The following SIAH2 variants were observed in gnomAD, a reference collection of about 807,000 sequenced individuals.
SIAH2 encodes siah E3 ubiquitin protein ligase 2.
A neutral mutation model predicts 20.4 loss-of-function variants in SIAH2; 4 were observed. The observed-to-expected ratio is 0.20, with a 90% confidence interval of 0.10 to 0.45. The LOEUF is 0.45. SIAH2 is among the 20% of genes least tolerant of loss of function. The pLI, the probability that SIAH2 is intolerant of heterozygous loss-of-function variation, is 0.99. For synonymous variants in SIAH2, 171 were observed against 192.5 expected (o/e 0.89, Z 0.93); for missense variants, 259 against 440.3 (o/e 0.59, Z 3.69).
At position 150,748,583 on chromosome 3, in the gene SIAH2, C is replaced by T. The variant is rs117004837; in HGVS notation, c.418-5885G>A. Among the ~76,000 whole-genome samples, 117 of 152,336 alleles carry T rather than the reference C, an allele frequency of 7.7e-4. 2 individuals are homozygous for T. In the East Asian group the frequency reaches 0.019, roughly 25 times the overall value. ...GGCTCTTTAGGGAACTGTGAGGTAA[C>T]CACACTGCCTAGACCGGCTTACGTC... On this transcript the variant is annotated intron_variant, in intron 1 of 1. Coordinates refer to ENST00000312960, the MANE Select transcript of SIAH2 (RefSeq NM_005067.7).
chr3:150,759,195 A>T (rs1158409689), intron 1 of SIAH2, among the ~76,000 whole-genome samples: 2 of 152,126 alleles, frequency 1.3e-5, no homozygotes, highest in African/African-American at 4.8e-5. Flanking sequence ...TGAGCTAATA[A>T]TGCATCCGGT....
At chr3:150,756,726 ATGC>A (rs1714492991) in intron 1 of SIAH2, among the ~76,000 whole-genome samples, 1 of 152,226 alleles carries the variant, frequency 6.6e-6, no homozygotes, top group Non-Finnish European at 1.5e-5. Context: ...TAGTATTCTA[ATGC>A]TTCTGCTTTA....
intron 1 of SIAH2, among the ~76,000 whole-genome samples, chr3:150,759,264 G>A (rs1313069944): frequency 6.6e-6 from 1 of 152,178 alleles, no homozygotes; most frequent in Non-Finnish European, 1.5e-5. Flanking sequence ...CTAAACCTAA[G>A]TGGGATAGTT....
At chr3:150,755,320 C>A (rs1338179181) in intron 1 of SIAH2, among the ~76,000 whole-genome samples, 1 of 136,010 alleles carries the variant, frequency 7.4e-6, no homozygotes, top group East Asian at 2.5e-4. Flanking sequence ...TTCTTTTCTT[C>A]CCTTTTTTTT....
In SIAH2 at chr3:150,762,498, G is replaced by A; in HGVS notation, c.352C>T (p.Leu118=). The change falls in exon 1 of 2, where the codon CTG becomes TTG. Residue 118 remains leucine, a synonymous_variant. Coordinates refer to ENST00000312960, the MANE Select transcript of SIAH2 (RefSeq NM_005067.7). This position sits in a 1 kb window ranked among gnomAD's most constrained non-coding sequence, Gnocchi z 6.6. ...GCCAGGTTCCTGATGCTGGGCGTCA[G>A]GGCGCCCCTGCACGTCGGGCAGCAG... ...LSCCPTCRGA[L]TPSIRNLAME... is the part of the protein sequence containing the mutation. 4 of 1,613,646 alleles carry A rather than the reference G, an allele frequency of 2.5e-6. No individual in the cohort carries two copies. Among genetic ancestry groups the A allele is most frequent in the Non-Finnish European group, 3.4e-6 (4 of 1,179,914 alleles).
At chr3:150,751,224 G>C (rs1265745402) in intron 1 of SIAH2, among the ~76,000 whole-genome samples, 1 of 152,078 alleles carries the variant, frequency 6.6e-6, no homozygotes, top group Non-Finnish European at 1.5e-5. Context: ...CTGAGCTCAG[G>C]AGTTCGAGAC....
intron 1 of SIAH2, among the ~76,000 whole-genome samples, chr3:150,757,013 T>G (rs542537206): frequency 1.3e-5 from 2 of 152,164 alleles, no homozygotes; most frequent in Non-Finnish European, 2.9e-5. Context: ...GATCCCCCAT[T>G]GCAACCTTCC....
At chr3:150,759,806 C>T (rs1308694080) in intron 1 of SIAH2, among the ~76,000 whole-genome samples, 1 of 152,092 alleles carries the variant, frequency 6.6e-6, no homozygotes, top group Non-Finnish European at 1.5e-5. Context: ...ATGCTAGAAG[C>T]TACAGGTCCT....
chr3:150,762,910 A>T lies in SIAH2; in HGVS notation c.-61T>A, dbSNP rs2108128904. 2 of 1,131,210 alleles carry T rather than the reference A, an allele frequency of 1.8e-6. No individual in the cohort carries two copies. Among genetic ancestry groups the T allele is most frequent in the African/African-American group, 1.7e-5 (1 of 60,238 alleles). The allele number at this position is 1,131,210 out of a possible 1,614,324, so 70.1% of individuals were successfully genotyped here. A position where few individuals can be genotyped will look rare whatever the true frequency, so the allele number is the denominator to read the frequency against. On this transcript the variant is annotated 5_prime_UTR_variant, in exon 1 of 2. The change creates a new upstream start codon in the 5' untranslated region. Coordinates refer to ENST00000312960, the MANE Select transcript of SIAH2 (RefSeq NM_005067.7). The surrounding 1 kb of genome is among the most constrained non-coding windows in gnomAD (Gnocchi z 6.6). Reference sequence around the variant, plus strand: ...GCCTGCCGCGGGGCCGCCCGGGTCAAGGCGGTGCGCGCCCCGCGGGCAGCG... The same window carrying T: ...GCCTGCCGCGGGGCCGCCCGGGTCATGGCGGTGCGCGCCCCGCGGGCAGCG...
intron 1 of SIAH2, among the ~76,000 whole-genome samples, chr3:150,754,564 G>A (rs906668483): frequency 5.3e-5 from 8 of 152,020 alleles, no homozygotes; most frequent in Admixed American, 6.5e-5. Context: ...CATCTCACTT[G>A]TTTTGTTTTT....
Position 150,762,854 on chromosome 3 carries a change from C to A in SIAH2, c.-5G>T. On this transcript the variant is annotated 5_prime_UTR_variant, in exon 1 of 2. Transcript: ENST00000312960. The surrounding 1 kb of genome is among the most constrained non-coding windows in gnomAD (Gnocchi z 6.6). ...GGTGGAGGACGGGCGGCTCATCGCGCTCCGAACCAACCATGGAACTGCGGG... is the reference window on the plus strand; with the variant it reads ...GGTGGAGGACGGGCGGCTCATCGCGATCCGAACCAACCATGGAACTGCGGG... The A allele has an allele frequency of 8.3e-7, 1 of 1,204,576 alleles. No homozygotes were observed. Among genetic ancestry groups the A allele is most frequent in the Non-Finnish European group, 1.0e-6 (1 of 956,818 alleles). 74.6% of individuals were successfully genotyped at this position (1,204,576 alleles called of 1,614,324 possible).
In SIAH2 at chr3:150,742,436, T is replaced by C. The variant is rs746783023; in HGVS notation, c.680A>G (p.His227Arg). 28 of 1,614,080 alleles carry C rather than the reference T, an allele frequency of 1.7e-5. No individual in the cohort carries two copies. Among genetic ancestry groups the C allele is most frequent in the Non-Finnish European group, 2.1e-5 (25 of 1,180,044 alleles). ...TTTCTCCAGCACCAGCATGAAGTGA[T>C]GGCCAAAACATGACTGCATCATCAC... ...DWVMMQSCFGHHFMLVLEKQE... is the reference protein window; with the variant it reads ...DWVMMQSCFGRHFMLVLEKQE... Residue 227 changes from histidine (H) to arginine (R), a missense_variant, in exon 2 of 2, where the codon CAT becomes CGT. Physicochemically the swap from His to Arg is conservative, Grantham distance 29. Around this residue, in one of 2 missense-constraint regions of SIAH2, gnomAD observed 160 missense variants for 327.6 expected, o/e 0.49. Transcript: ENST00000312960. This position sits in a 1 kb window ranked among gnomAD's most constrained non-coding sequence, Gnocchi z 4.8.
intron 1 of SIAH2, among the ~76,000 whole-genome samples, chr3:150,757,066 C>T (rs1714499513): frequency 3.9e-5 from 6 of 152,114 alleles, no homozygotes; most frequent in Admixed American, 3.9e-4. Flanking sequence ...TATGGTGAAG[C>T]AAAAGCCCTC....
In SIAH2 at chr3:150,742,148, C is replaced by T. The variant is rs149122786; in HGVS notation, c.968G>A (p.Cys323Tyr). The change falls in exon 2 of 2, where the codon TGT becomes TAT. Residue 323 changes from cysteine (C) to tyrosine (Y), a missense_variant. This residue lies in a region of SIAH2 where 160 missense variants were observed against 327.6 expected (regional missense o/e 0.49). Transcript: ENST00000312960. This position sits in a 1 kb window ranked among gnomAD's most constrained non-coding sequence, Gnocchi z 4.8. ...AGGTTTACGAAAGTCACATCATGGA[C>T]AACATGTAGAAATAGTAACATTGAT... is the stretch of plus-strand genomic sequence containing the variant. ...LGINVTISTCCP is the reference protein window; with the variant it reads ...LGINVTISTCYP 2.4e-5 allele frequency: 39 copies of T among 1,607,548 alleles called. No homozygotes were observed. The African/African-American group carries it at 4.8e-4, about 20-fold the overall frequency.
chr3:150,749,768 A>C (rs1714316246), intron 1 of SIAH2, among the ~76,000 whole-genome samples: 1 of 152,232 alleles, frequency 6.6e-6, no homozygotes, highest in African/African-American at 2.4e-5. Flanking sequence ...GAATTGTCAT[A>C]ATAACCAACA....
At chr3:150,754,111 T>C (rs1029966434) in intron 1 of SIAH2, among the ~76,000 whole-genome samples, 1 of 152,214 alleles carries the variant, frequency 6.6e-6, no homozygotes, top group Admixed American at 6.5e-5. Context: ...AAGAAGCAGA[T>C]TATGAAACAG....
intron 1 of SIAH2, among the ~76,000 whole-genome samples, chr3:150,749,930 C>A (rs937629893): frequency 5.3e-5 from 8 of 152,154 alleles, no homozygotes; most frequent in African/African-American, 1.9e-4. Flanking sequence ...TTGTTCTAGA[C>A]CCATTTGAAA....
rs1461624320 is a variant in SIAH2 at position 150,742,271 on chromosome 3, G to A, written c.845C>T (p.Ser282Leu). Residue 282 changes from serine to leucine, a missense_variant, in exon 2 of 2, where the codon TCG becomes TTG. Ser to Leu is a moderately radical substitution (Grantham distance 145, BLOSUM62 -2). Transcript: ENST00000312960. This position sits in a 1 kb window ranked among gnomAD's most constrained non-coding sequence, Gnocchi z 4.8. ...RRLTWEATPRSIHDGVAAAIM... is the reference protein window; with the variant it reads ...RRLTWEATPRLIHDGVAAAIM... ...GGCCGCAGCCACACCGTCATGAATC[G>A]AACGGGGCGTGGCCTCCCAGGTCAA... 1.2e-6 allele frequency: 2 copies of A among 1,614,122 alleles called. No homozygotes were observed. The highest frequency in any genetic ancestry group is 1.1e-5 in the South Asian group (1 of 91,070).
At chr3:150,750,596 A>G (rs557721768) in intron 1 of SIAH2, among the ~76,000 whole-genome samples, 5 of 150,904 alleles carry the variant, frequency 3.3e-5, no homozygotes, top group Admixed American at 3.3e-4. Context: ...TTTTTTTTTT[A>G]TTGAAATGAC....
Sources: gnomAD v4.1 joint callset for allele counts (sites outside exome capture counted in the v4.1 genomes callset) on GRCh38, gnomAD v4.1.1 for gene constraint, gnomAD v4.1.1 regional missense constraint, Gnocchi (gnomAD v3.1) non-coding constraint, MANE v1.5 for transcripts, NCBI Gene and HGNC (gene_info 2026-07-23, HGNC 2026-07-21) for gene names.